The following FAM149A variants were observed in gnomAD, a reference collection of about 807,000 sequenced individuals.
FAM149A encodes family with sequence similarity 149 member A, also known as protein FAM149A.
In FAM149A, 71 loss-of-function variants were observed where a neutral mutation model predicts 78.2. The ratio of observed to expected loss-of-function variants is 0.91; its 90% CI spans 0.75 to 1.11. The LOEUF (loss-of-function observed/expected upper bound fraction) is 1.11, where lower values mean the gene tolerates loss of function less well. Among genes scored for constraint, FAM149A ranks in the 50% least tolerant of loss-of-function variants. FAM149A has a pLI of 0.00. For synonymous variants in FAM149A, 446 were observed against 410.5 expected (o/e 1.09, Z -1.04); for missense variants, 1,036 against 971.0 (o/e 1.07, Z -0.89).
chr4:186,133,965 G>T (rs576909330), intron 1 of FAM149A, among the ~76,000 whole-genome samples: 2 of 152,198 alleles, frequency 1.3e-5, no homozygotes, highest in Non-Finnish European at 2.9e-5. Flanking sequence ...CTGTGTCCCT[G>T]CTTTTAATTC....
intron 13 of FAM149A, chr4:186,167,509 CTCAAA>C: frequency 1.1e-5 from 3 of 272,576 alleles, no homozygotes; most frequent in East Asian, 6.3e-5. Context: ...GGGGGCCTCA[CTCAAA>C]AAAAAAAAAA....
chr4:186,125,437 C>A, intron 1 of FAM149A: 2 of 704,486 alleles, frequency 2.8e-6, no homozygotes, highest in Non-Finnish European at 3.5e-6. Flanking sequence ...AATGACGCTG[C>A]CTCTCGGGAG....
intron 8 of FAM149A, chr4:186,157,946 G>C: frequency 6.6e-7 from 1 of 1,525,988 alleles, no homozygotes; most frequent in Non-Finnish European, 8.8e-7. Flanking sequence ...ATGTGCTCAA[G>C]TTCCTTGCGG....
chr4:186,131,347 CAAAAAA>C (rs35861617), intron 1 of FAM149A, among the ~76,000 whole-genome samples: 1 of 148,860 alleles, frequency 6.7e-6, no homozygotes, highest in African/African-American at 2.5e-5. Context: ...GACTCCAACT[CAAAAAA>C]AAAAAGAGGA....
chr4:186,143,872 A>G (rs1579857355), intron 1 of FAM149A, among the ~76,000 whole-genome samples: 2 of 152,166 alleles, frequency 1.3e-5, no homozygotes, highest in African/African-American at 4.8e-5. Flanking sequence ...TCACCGTGCT[A>G]GGGTGGTGCA....
chr4:186,115,474 C>T (rs1390022044), intron 1 of FAM149A, among the ~76,000 whole-genome samples: 1 of 123,112 alleles, frequency 8.1e-6, no homozygotes, highest in Non-Finnish European at 1.7e-5. Context: ...AGGCGCTCTG[C>T]GTTTTAGAGT....
At chr4:186,142,827 AAC>A (rs969700425) in intron 1 of FAM149A, among the ~76,000 whole-genome samples, 11 of 152,164 alleles carry the variant, frequency 7.2e-5, no homozygotes, top group Non-Finnish European at 1.3e-4. Flanking sequence ...GAGCAGAAGA[AAC>A]ACTCAACCTG....
In FAM149A at chr4:186,153,676, G is replaced by A; in HGVS notation, c.964G>A (p.Asp322Asn). 1 of 1,614,174 alleles carries A rather than the reference G, an allele frequency of 6.2e-7. No homozygotes were observed. The highest frequency in any genetic ancestry group is 8.5e-7 in the Non-Finnish European group (1 of 1,179,990). Residue 322 changes from aspartate to asparagine, a missense_variant, in exon 5 of 14, where the codon GAC becomes AAC. Asp to Asn is a conservative substitution (Grantham distance 23, BLOSUM62 1). Transcript: ENST00000389354. ...AGGAAGACAGCTGATCCTGCCCACT[G>A]ACAAAGGCGTCCAGCATTTCCAGGG...
chr4:186,124,033 A>G, intron 1 of FAM149A: 3 of 983,808 alleles, frequency 3.0e-6, no homozygotes, highest in Non-Finnish European at 3.6e-6. Flanking sequence ...ACAATGAGAA[A>G]CTTGGTAGTG....
At chr4:186,118,663 A>G (rs557984373) in intron 1 of FAM149A, among the ~76,000 whole-genome samples, 11 of 152,320 alleles carry the variant, frequency 7.2e-5, no homozygotes, top group Middle Eastern at 3.4e-3. Context: ...TGATGACATT[A>G]TCTTTTACTG....
chr4:186,136,976 T>TCTTTCTCTCTC (rs2099323291), intron 1 of FAM149A, among the ~76,000 whole-genome samples: 7 of 72,114 alleles, frequency 9.7e-5, no homozygotes, highest in African/African-American at 4.3e-4. Context: ...CTCTCTCTCT[T>TCTTTCTCTCTC]TCTCTCTCTC....
chr4:186,171,181 T>C, intron 13 of FAM149A: 1 of 152,924 alleles, frequency 6.5e-6, no homozygotes, highest in East Asian at 1.9e-4. Context: ...CCTGCCTTCC[T>C]CCCAGCCTTC....
At position 186,105,444 on chromosome 4, in the gene FAM149A, TG is replaced by T; in HGVS notation, c.370del (p.Val124TrpfsTer80). The stretch of plus-strand genomic sequence containing the variant: ...GGCGGGGGCTGCTCCCCTGCTCGCC[TG>T]GTGGTCCCAGCGCGGCCGCCCTCGG... On this transcript the variant is annotated frameshift_variant, in exon 1 of 14. Transcript: ENST00000389354. LOFTEE classifies it high-confidence loss of function. 8.2e-7 allele frequency: 1 copy of T among 1,215,532 alleles called. No individual in the cohort carries two copies. The highest frequency in any genetic ancestry group is 1.4e-5 in the South Asian group (1 of 71,332). The allele number at this position is 1,215,532 out of a possible 1,614,324, so 75.3% of individuals were successfully genotyped here. A position where few individuals can be genotyped will look rare whatever the true frequency, so the allele number is the denominator to read the frequency against.
chr4:186,108,973 G>C (rs1170232521), intron 1 of FAM149A: 1 of 150,914 alleles, frequency 6.6e-6, no homozygotes, highest in Non-Finnish European at 1.5e-5. Flanking sequence ...TCAGCCTCCC[G>C]AGTAGCTGGG....
chr4:186,165,577 T>A, intron 11 of FAM149A, 113 bp downstream of exon 11: 1 of 979,402 alleles, frequency 1.0e-6, no homozygotes, highest in Non-Finnish European at 1.5e-6. Flanking sequence ...TCTGAGTAGC[T>A]GTATTCAAAT....
chr4:186,144,826 G>C lies in FAM149A; in HGVS notation c.567-4347G>C. On this transcript the variant is annotated intron_variant, in intron 1 of 13. Coordinates refer to ENST00000389354, the MANE Select transcript of FAM149A (RefSeq NM_001367768.3). This position sits in a 1 kb window ranked among gnomAD's most constrained non-coding sequence, Gnocchi z 4.2. ...CGCAGGGAGGAGGAGGGGAGGCGGCGCCGGCGCGGGCGGGGCGGAGGATCT... is the reference window on the plus strand; with the variant it reads ...CGCAGGGAGGAGGAGGGGAGGCGGCCCCGGCGCGGGCGGGGCGGAGGATCT... 1 of 983,374 alleles carries C rather than the reference G, an allele frequency of 1.0e-6. No individual in the cohort carries two copies. Among genetic ancestry groups the C allele is most frequent in the Non-Finnish European group, 1.2e-6 (1 of 829,022 alleles). 60.9% of individuals were successfully genotyped at this position (983,374 alleles called of 1,614,324 possible).
chr4:186,105,681 C>T lies in FAM149A; in HGVS notation c.566+39C>T, dbSNP rs561533469. On this transcript the variant is annotated intron_variant, in intron 1 of 13. Coordinates refer to ENST00000389354, the MANE Select transcript of FAM149A (RefSeq NM_001367768.3). ...TGGTCCGGGCGCGTGTACCTTTTGC[C>T]GGGACCCCCGACCCCTCCGCCTGCC... is the stretch of plus-strand genomic sequence containing the variant. The T allele has an allele frequency of 2.5e-4, 257 of 1,030,846 alleles. 1 individual carries two copies. In the Middle Eastern group the frequency reaches 3.2e-3, roughly 13 times the overall value. The allele number at this position is 1,030,846 out of a possible 1,614,324, so 63.9% of individuals were successfully genotyped here. A position where few individuals can be genotyped will look rare whatever the true frequency, so the allele number is the denominator to read the frequency against.
chr4:186,165,385 CGTCACGGAGCAGGTTCCCCCCGCTA>C lies in FAM149A; in HGVS notation c.1941_1965del (p.Ser647ArgfsTer27). On this transcript the variant is annotated frameshift_variant, in exon 11 of 14. Transcript: ENST00000389354. LOFTEE classifies it high-confidence loss of function. ...CACATGGCTTCCCCACTGGTTCAAACGTCACGGAGCAGGTTCCCCCCGCTAGTCACGGAGACCAGGGGGCAGAATA... is the reference window on the plus strand; with the variant it reads ...CACATGGCTTCCCCACTGGTTCAAACGTCACGGAGACCAGGGGGCAGAATA... 1 of 1,614,186 alleles carries C rather than the reference CGTCACGGAGCAGGTTCCCCCCGCTA, an allele frequency of 6.2e-7. No individual in the cohort carries two copies. The highest frequency in any genetic ancestry group is 8.5e-7 in the Non-Finnish European group (1 of 1,180,006).
intron 8 of FAM149A, chr4:186,160,704 A>G (rs1343309604): frequency 1.4e-6 from 1 of 709,428 alleles, no homozygotes. Context: ...CACACACACT[A>G]CCACACACCA....
Sources: gnomAD v4.1 joint callset for allele counts (sites outside exome capture counted in the v4.1 genomes callset) on GRCh38, gnomAD v4.1.1 for gene constraint, Gnocchi (gnomAD v3.1) non-coding constraint, MANE v1.5 for transcripts, NCBI Gene and HGNC (gene_info 2026-07-23, HGNC 2026-07-21) for gene names.